FRY: variants seen among roughly 807,000 people sequenced by gnomAD.
The protein encoded by FRY is FRY microtubule binding protein, also known as protein furry homolog.
In FRY, 128 loss-of-function variants were observed where a neutral mutation model predicts 348.4. The observed-to-expected ratio is 0.37, with a 90% confidence interval of 0.32 to 0.43. FRY has a LOEUF of 0.43. Ranked by LOEUF, FRY falls within the 20% of genes least tolerant of loss-of-function variation. FRY has a pLI of 1.00. For missense variants in FRY, 2,736 were observed against 3,695.2 expected (o/e 0.74, Z 6.73); for synonymous variants, 1,370 against 1,374.7 (o/e 1.00, Z 0.08).
At chr13:32,099,272 A>ACG (rs771396865) in intron 2 of FRY, among the ~76,000 whole-genome samples, 3,186 of 151,830 alleles carry the variant, frequency 0.021, 48 homozygotes, top group Non-Finnish European at 0.029. Context: ...ATGTGTATAT[A>ACG]TGTATATATA....
At position 32,050,140 on chromosome 13, in the gene FRY, T is replaced by C. The variant is rs1249337756; in HGVS notation, c.70+18275T>C. On this transcript the variant is annotated intron_variant, in intron 1 of 60. Transcript: ENST00000542859. ...TTGGCGGAGATTTTCTTTGGTTTTG[T>C]TTTTCAAGGAAACACACATTTTAGA... is the stretch of plus-strand genomic sequence containing the variant. Among the ~76,000 whole-genome samples the C allele has an allele frequency of 2.6e-5, 4 of 152,202 alleles. No homozygotes were observed. In the East Asian group the frequency reaches 5.8e-4, roughly 22 times the overall value.
In FRY at chr13:32,239,160, C is replaced by T. The variant is rs1278818231; in HGVS notation, c.6419-92C>T. ...GATTCAAAAAACTGCTTTTGCATCA[C>T]CTCAGTATAAAAATCTGTAACATGC... On this transcript the variant is annotated intron_variant, in intron 44 of 60. Coordinates refer to ENST00000542859, the MANE Select transcript of FRY (RefSeq NM_023037.3). The surrounding 1 kb of genome is among the most constrained non-coding windows in gnomAD (Gnocchi z 4.3). 2.4e-6 allele frequency: 2 copies of T among 840,256 alleles called. No homozygotes were observed. Among genetic ancestry groups the T allele is most frequent in the Non-Finnish European group, 4.1e-6 (2 of 483,508 alleles). The allele number at this position is 840,256 out of a possible 1,614,324, so 52.1% of individuals were successfully genotyped here.
At chr13:32,260,130 C>T (rs1165968583) in intron 51 of FRY, among the ~76,000 whole-genome samples, 1 of 152,132 alleles carries the variant, frequency 6.6e-6, no homozygotes, top group Non-Finnish European at 1.5e-5. Context: ...GCTTGTTTCA[C>T]TAGGAGACAG....
chr13:32,200,759 C>A (rs1160602564), intron 29 of FRY, among the ~76,000 whole-genome samples: 1 of 152,126 alleles, frequency 6.6e-6, no homozygotes, highest in Non-Finnish European at 1.5e-5. Flanking sequence ...GGTTATACTG[C>A]CAATTGCCAC....
intron 3 of FRY, among the ~76,000 whole-genome samples, chr13:32,106,144 A>G (rs960817796): frequency 2.7e-5 from 4 of 148,182 alleles, no homozygotes; most frequent in Admixed American, 1.4e-4. Context: ...AACATTAAAT[A>G]TACTATTGTA....
rs1488623915 is a variant in FRY, at chr13:32,296,514, A to G, written c.*1054A>G. 2 of 152,456 alleles carry G rather than the reference A, an allele frequency of 1.3e-5. No individual in the cohort carries two copies. The highest frequency in any genetic ancestry group is 4.8e-5 in the African/African-American group (2 of 41,392). 9.4% of individuals were successfully genotyped at this position (152,456 alleles called of 1,614,324 possible). A position where few individuals can be genotyped will look rare whatever the true frequency, so the allele number is the denominator to read the frequency against. ...TGAACTTGTTGCACTGCAGAAACATATTCAGAGTTTATCTATGTAACTTAT... is the reference window on the plus strand; with the variant it reads ...TGAACTTGTTGCACTGCAGAAACATGTTCAGAGTTTATCTATGTAACTTAT... On this transcript the variant is annotated 3_prime_UTR_variant, in exon 61 of 61. Transcript: ENST00000542859.
chr13:32,067,985 C>A (rs2138477369), intron 1 of FRY, among the ~76,000 whole-genome samples: 1 of 152,172 alleles, frequency 6.6e-6, no homozygotes, highest in East Asian at 1.9e-4. Flanking sequence ...GGCAGCAGCA[C>A]CAGCATCACC....
rs899288911 is a variant in FRY, at chr13:32,221,625, G to T, written c.4766-2610G>T. ...CCTCTGGGGTGCAAGCAATTCTGCT[G>T]CGTCAGCCACCCTAGTAGCTAGGAC... On this transcript the variant is annotated intron_variant, in intron 36 of 60. Transcript: ENST00000542859. Among the ~76,000 whole-genome samples, 3 of 152,200 alleles carry T rather than the reference G, an allele frequency of 2.0e-5. No homozygotes were observed. The East Asian group carries it at 5.8e-4, about 29-fold the overall frequency.
intron 11 of FRY, among the ~76,000 whole-genome samples, chr13:32,143,590 A>G (rs565466413): frequency 6.6e-6 from 1 of 152,364 alleles, no homozygotes; most frequent in East Asian, 1.9e-4. Flanking sequence ...AGTGAAATTG[A>G]GATGATACTT....
chr13:32,053,808 G>A (rs1462230362), intron 1 of FRY, among the ~76,000 whole-genome samples: 1 of 152,162 alleles, frequency 6.6e-6, no homozygotes, highest in East Asian at 1.9e-4. Flanking sequence ...GGTAGAACAG[G>A]TTGTGGGGAT....
chr13:32,109,389 A>G (rs550827696), intron 3 of FRY, among the ~76,000 whole-genome samples: 2 of 152,322 alleles, frequency 1.3e-5, no homozygotes, highest in African/African-American at 4.8e-5. Flanking sequence ...AAACGCTATA[A>G]TAGAGGTTGT....
Position 32,118,570 on chromosome 13 carries a change from A to AT in FRY, c.464+1105dup, listed in dbSNP as rs1007977475. Among the ~76,000 whole-genome samples the AT allele has an allele frequency of 3.3e-5, 5 of 151,904 alleles. No homozygotes were observed. The East Asian group carries it at 9.6e-4, about 29-fold the overall frequency. On this transcript the variant is annotated intron_variant, in intron 4 of 60. Transcript: ENST00000542859. ...GAGATTAATAACTTTTTCGTATTGA[A>AT]TTTTTTTTAGTGAAGAAGGAAATTT... is the stretch of plus-strand genomic sequence containing the variant.
intron 17 of FRY, among the ~76,000 whole-genome samples, chr13:32,162,302 C>A (rs1424515690): frequency 6.6e-6 from 1 of 152,138 alleles, no homozygotes; most frequent in East Asian, 1.9e-4. Flanking sequence ...ATGCATTACA[C>A]ATAGCCTGGT....
intron 55 of FRY, among the ~76,000 whole-genome samples, chr13:32,268,508 ATATAT>A (rs1566182669): frequency 0.045 from 922 of 20,334 alleles, 4 homozygotes; most frequent in Non-Finnish European, 0.093. Context: ...AAAAAAAAAT[ATATAT>A]ATATATATAT....
At chr13:32,137,331 AG>A (rs1293819242) in intron 11 of FRY, among the ~76,000 whole-genome samples, 1 of 152,192 alleles carries the variant, frequency 6.6e-6, no homozygotes, top group East Asian at 1.9e-4. Flanking sequence ...TGATCTCAGA[AG>A]CTCACTTATA....
intron 1 of FRY, among the ~76,000 whole-genome samples, chr13:32,071,766 T>A (rs1020986689): frequency 6.6e-6 from 1 of 152,116 alleles, no homozygotes; most frequent in Non-Finnish European, 1.5e-5. Flanking sequence ...GGATATAAAG[T>A]TTTAGTTAAG....
intron 1 of FRY, among the ~76,000 whole-genome samples, chr13:32,048,460 A>G (rs1873144208): frequency 6.6e-6 from 1 of 152,186 alleles, no homozygotes; most frequent in Non-Finnish European, 1.5e-5. Flanking sequence ...GAGTGAAATG[A>G]TGTTTTATTT....
chr13:32,234,976 A>G (rs950983410), intron 42 of FRY, among the ~76,000 whole-genome samples: 1 of 152,210 alleles, frequency 6.6e-6, no homozygotes, highest in Non-Finnish European at 1.5e-5. Context: ...TCTCTTTTAT[A>G]TAAGCCAACA....
intron 47 of FRY, among the ~76,000 whole-genome samples, chr13:32,245,019 G>A (rs764120751): frequency 1.3e-5 from 2 of 151,842 alleles, no homozygotes; most frequent in Admixed American, 6.6e-5. Context: ...GCACAATCTC[G>A]GCTCACTGCA....
Sources: gnomAD v4.1 joint callset for allele counts (sites outside exome capture counted in the v4.1 genomes callset) on GRCh38, gnomAD v4.1.1 for gene constraint, Gnocchi (gnomAD v3.1) non-coding constraint, MANE v1.5 for transcripts, NCBI Gene and HGNC (gene_info 2026-07-23, HGNC 2026-07-21) for gene names.